Variants in HMGCLL1 observed in about 807,000 individuals in gnomAD.
HMGCLL1 encodes 3-hydroxy-3-methylglutaryl-CoA lyase like 1.
Under a neutral mutation model 39.1 loss-of-function variants are expected in HMGCLL1, and 36 were observed. The observed-to-expected ratio is 0.92, with a 90% CI of 0.71 to 1.22. HMGCLL1 has a LOEUF of 1.22. Ranked by LOEUF, HMGCLL1 falls within the 50% of genes most tolerant of loss-of-function variation. The pLI, the probability that HMGCLL1 is intolerant of heterozygous loss-of-function variation, is 0.00. For synonymous variants in HMGCLL1, 149 were observed against 144.0 expected (o/e 1.03, Z -0.25); for missense variants, 451 against 416.5 (o/e 1.08, Z -0.72).
intron 7 of HMGCLL1, among the ~76,000 whole-genome samples, chr6:55,481,826 C>A (rs1455601709): frequency 6.6e-6 from 1 of 152,056 alleles, no homozygotes; most frequent in Non-Finnish European, 1.5e-5. Context: ...ACCTACCTAT[C>A]TATTTATCTT....
At chr6:55,572,420 A>G (rs2127477062) in intron 1 of HMGCLL1, among the ~76,000 whole-genome samples, 1 of 152,270 alleles carries the variant, frequency 6.6e-6, no homozygotes, top group Admixed American at 6.5e-5. Context: ...ACACATAAAG[A>G]GGGAGTAAAT....
chr6:55,568,250 A>G (rs1457379343), intron 1 of HMGCLL1, among the ~76,000 whole-genome samples: 1 of 152,198 alleles, frequency 6.6e-6, no homozygotes, highest in Non-Finnish European at 1.5e-5. Flanking sequence ...GATCACTTAG[A>G]AAAAGGGAGA....
chr6:55,666,910 G>A, the HMGCLL1 span, among the ~76,000 whole-genome samples: 2 of 151,438 alleles, frequency 1.3e-5, no homozygotes, highest in Admixed American at 6.6e-5. Context: ...ATACATAGAA[G>A]CCAGGAAACA....
chr6:55,619,622 C>A, the HMGCLL1 span, among the ~76,000 whole-genome samples: 1,002 of 152,044 alleles, frequency 6.6e-3, 18 homozygotes, highest in African/African-American at 0.024. Context: ...TTGATACAGG[C>A]GTACTATGTA....
intron 5 of HMGCLL1, among the ~76,000 whole-genome samples, chr6:55,510,852 T>C (rs1462266838): frequency 6.6e-6 from 1 of 151,092 alleles, no homozygotes; most frequent in Non-Finnish European, 1.5e-5. Context: ...ATAATTTCTA[T>C]TTATAATCAT....
the HMGCLL1 span, among the ~76,000 whole-genome samples, chr6:55,590,760 T>C: frequency 6.6e-6 from 1 of 152,002 alleles, no homozygotes; most frequent in South Asian, 2.1e-4. Context: ...TTAACATATA[T>C]ACTAAAGACA....
intron 5 of HMGCLL1, among the ~76,000 whole-genome samples, chr6:55,503,453 C>G (rs1766995971): frequency 6.7e-6 from 1 of 148,386 alleles, no homozygotes; most frequent in Non-Finnish European, 1.5e-5. Context: ...TACATGATTG[C>G]CACATTTTCA....
intron 7 of HMGCLL1, among the ~76,000 whole-genome samples, chr6:55,462,391 A>G (rs1468692643): frequency 2.6e-5 from 4 of 152,016 alleles, no homozygotes; most frequent in Non-Finnish European, 5.9e-5. Flanking sequence ...TTTCTCAATT[A>G]TACCACATCT....
chr6:55,644,345 G>A, the HMGCLL1 span, among the ~76,000 whole-genome samples: 6 of 151,906 alleles, frequency 3.9e-5, no homozygotes, highest in African/African-American at 1.4e-4. Context: ...TGTAATGTGG[G>A]TTGTCTTTTC....
intron 1 of HMGCLL1, among the ~76,000 whole-genome samples, chr6:55,557,379 T>C (rs1188607668): frequency 6.6e-6 from 1 of 152,064 alleles, no homozygotes; most frequent in Non-Finnish European, 1.5e-5. Context: ...GCAGCGCGTC[T>C]GTGCTCCTGG....
intron 7 of HMGCLL1, among the ~76,000 whole-genome samples, chr6:55,464,207 G>T (rs1264110564): frequency 6.6e-6 from 1 of 151,928 alleles, no homozygotes; most frequent in Non-Finnish European, 1.5e-5. Flanking sequence ...ATCTGTCTAT[G>T]TCATAGATTT....
At chr6:55,625,541 C>G in the HMGCLL1 span, among the ~76,000 whole-genome samples, 3 of 152,050 alleles carry the variant, frequency 2.0e-5, no homozygotes, top group African/African-American at 7.2e-5. Context: ...CAGGCACCAC[C>G]CGAAAATGGA....
chr6:55,674,390 G>A, the HMGCLL1 span, among the ~76,000 whole-genome samples: 3 of 149,228 alleles, frequency 2.0e-5, no homozygotes, highest in Non-Finnish European at 4.5e-5. Flanking sequence ...GCAAGAATCC[G>A]TGTCTTAAAA....
chr6:55,652,834 GA>G, the HMGCLL1 span, among the ~76,000 whole-genome samples: 2 of 151,976 alleles, frequency 1.3e-5, no homozygotes, highest in East Asian at 1.9e-4. Flanking sequence ...AAATATCCAT[GA>G]AAAAATTGTC....
the HMGCLL1 span, among the ~76,000 whole-genome samples, chr6:55,621,605 A>G: frequency 6.6e-6 from 1 of 151,730 alleles, no homozygotes; most frequent in Non-Finnish European, 1.5e-5. Flanking sequence ...CATCACCTCC[A>G]GATGGGACCA....
chr6:55,460,142 T>TG (rs1366916588), intron 7 of HMGCLL1, among the ~76,000 whole-genome samples: 1 of 151,994 alleles, frequency 6.6e-6, no homozygotes, highest in East Asian at 1.9e-4. Context: ...AATGAATGCA[T>TG]GCATGCCTCT....
intron 7 of HMGCLL1, among the ~76,000 whole-genome samples, chr6:55,470,772 C>A (rs950182554): frequency 2.0e-5 from 3 of 151,694 alleles, no homozygotes; most frequent in Admixed American, 2.0e-4. Context: ...AGGAAACTTA[C>A]AATCATGGTG....
intron 1 of HMGCLL1, among the ~76,000 whole-genome samples, chr6:55,562,179 T>C (rs1444718163): frequency 2.0e-5 from 3 of 152,162 alleles, no homozygotes; most frequent in East Asian, 3.8e-4. Flanking sequence ...TAAAGATGAT[T>C]TTTGTAAGAT....
At position 55,451,552 on chromosome 6, in the gene HMGCLL1, AAAAAACAAAAAC is replaced by A. The variant is rs374143147; in HGVS notation, c.796-12005_796-11994del. Reference sequence around the variant, plus strand: ...GCAACAGAGTGAGATTCCATCTCCAAAAAAACAAAAACAAAAACAAAAACAAAAACAAAAAAA... The same window carrying A: ...GCAACAGAGTGAGATTCCATCTCCAAAAAAACAAAAACAAAAACAAAAAAA... On this transcript the variant is annotated intron_variant, in intron 7 of 8. Coordinates refer to ENST00000274901, the MANE Select transcript of HMGCLL1 (RefSeq NM_001042406.2). Among the ~76,000 whole-genome samples, 440 of 146,676 alleles carry A rather than the reference AAAAAACAAAAAC, an allele frequency of 3.0e-3. 2 individuals carry two copies. Among genetic ancestry groups the A allele is most frequent in the African/African-American group, 9.9e-3 (386 of 38,890 alleles).
Sources: allele counts gnomAD v4.1 joint callset (sites outside exome capture counted in the v4.1 genomes callset), GRCh38; gene constraint gnomAD v4.1.1; transcripts MANE v1.5; gene names NCBI Gene and HGNC (gene_info 2026-07-23, HGNC 2026-07-21).